The following CSNK1G1 variants were observed in gnomAD, a reference collection of about 807,000 sequenced individuals.
CSNK1G1 encodes the protein casein kinase 1 gamma 1.
In CSNK1G1, 22 loss-of-function variants were observed where a neutral mutation model predicts 59.6. The ratio of observed to expected loss-of-function variants is 0.37; its 90% CI spans 0.26 to 0.53. CSNK1G1 has a LOEUF of 0.53. Among genes scored for constraint, CSNK1G1 ranks in the 20% least tolerant of loss-of-function variants. The pLI is 0.89. For missense variants in CSNK1G1, 384 were observed against 519.5 expected, an observed-to-expected ratio of 0.74 and a Z score of 2.54; for synonymous variants, 179 against 177.1, an observed-to-expected ratio of 1.01 and a Z score of -0.08.
chr15:64,192,293 C>A (rs543437169), intron 10 of CSNK1G1, among the ~76,000 whole-genome samples: 2 of 152,280 alleles, frequency 1.3e-5, no homozygotes, highest in South Asian at 4.1e-4. Flanking sequence ...TGTGTAAGTC[C>A]CCCAAAGCAG....
At chr15:64,193,260 G>C (rs1343928970) in intron 10 of CSNK1G1, among the ~76,000 whole-genome samples, 3 of 152,046 alleles carry the variant, frequency 2.0e-5, no homozygotes, top group Non-Finnish European at 2.9e-5. Flanking sequence ...AGGAGGCCGA[G>C]GTGGGTGGAT....
At chr15:64,298,334 G>A (rs1895137032) in intron 2 of CSNK1G1, among the ~76,000 whole-genome samples, 1 of 152,140 alleles carries the variant, frequency 6.6e-6, no homozygotes, top group Non-Finnish European at 1.5e-5. Flanking sequence ...CTGCCTCTTA[G>A]CAATCATTTT....
At chr15:64,183,234 T>C (rs1030945522) in intron 10 of CSNK1G1, among the ~76,000 whole-genome samples, 1 of 152,202 alleles carries the variant, frequency 6.6e-6, no homozygotes, top group Non-Finnish European at 1.5e-5. Context: ...AATTGCCACT[T>C]GGGCCATAAG....
intron 10 of CSNK1G1, among the ~76,000 whole-genome samples, chr15:64,187,269 G>T (rs1031490934): frequency 1.3e-5 from 2 of 151,808 alleles, no homozygotes; most frequent in Non-Finnish European, 2.9e-5. Context: ...TCGGCTCACT[G>T]CAACTTCTGC....
At chr15:64,229,902 A>ATTTT (rs533868270) in intron 4 of CSNK1G1, among the ~76,000 whole-genome samples, 1,590 of 43,688 alleles carry the variant, frequency 0.036, 497 homozygotes, top group East Asian at 0.07. Context: ...ATGTTTGTAA[A>ATTTT]TTTTTTTTTT....
intron 1 of CSNK1G1, among the ~76,000 whole-genome samples, chr15:64,324,519 T>C (rs990883207): frequency 7.9e-5 from 12 of 152,266 alleles, no homozygotes; most frequent in Non-Finnish European, 1.5e-4. Context: ...TTTTGGTCTC[T>C]TGGACTTACA....
At chr15:64,307,965 C>G (rs1356317322) in intron 1 of CSNK1G1, among the ~76,000 whole-genome samples, 2 of 152,012 alleles carry the variant, frequency 1.3e-5, no homozygotes, top group African/African-American at 4.8e-5. Context: ...GGATTACAGG[C>G]GTGAACCACC....
At chr15:64,235,080 G>A (rs2082597653) in intron 4 of CSNK1G1, among the ~76,000 whole-genome samples, 2 of 152,180 alleles carry the variant, frequency 1.3e-5, no homozygotes, top group Admixed American at 6.5e-5. Flanking sequence ...CAAAAAAAGT[G>A]TCAGAGACAA....
intron 4 of CSNK1G1, among the ~76,000 whole-genome samples, chr15:64,236,155 AAAAAAAG>A (rs2082613393): frequency 1.3e-5 from 2 of 150,322 alleles, no homozygotes; most frequent in African/African-American, 2.4e-5. Context: ...AAAAAAAAAA[AAAAAAAG>A]AAAAGAAAAG....
chr15:64,319,336 A>C (rs1269345886), intron 1 of CSNK1G1, among the ~76,000 whole-genome samples: 1 of 152,146 alleles, frequency 6.6e-6, no homozygotes, highest in African/African-American at 2.4e-5. Context: ...TTTTCTTGTC[A>C]AATTACATGT....
In CSNK1G1 at chr15:64,216,520, G is replaced by C. The variant is rs768150160; in HGVS notation, c.444+42C>G. The C allele has an allele frequency of 1.1e-4, 181 of 1,597,678 alleles. No individual in the cohort carries two copies. The highest frequency in any genetic ancestry group is 2.8e-4 in the Admixed American group (17 of 59,754). On this transcript the variant is annotated intron_variant, in intron 5 of 11. Coordinates refer to ENST00000303052, the MANE Select transcript of CSNK1G1 (RefSeq NM_022048.5). The surrounding 1 kb of genome is among the most constrained non-coding windows in gnomAD (Gnocchi z 4.6). Reference sequence around the variant, plus strand: ...AAAAGGCCCACAAGGATGTGGCTGAGGAACCAGCTTATTCTCTTCTAGAAG... The same window carrying C: ...AAAAGGCCCACAAGGATGTGGCTGACGAACCAGCTTATTCTCTTCTAGAAG...
chr15:64,190,197 T>C (rs959102068), intron 10 of CSNK1G1, among the ~76,000 whole-genome samples: 3 of 152,170 alleles, frequency 2.0e-5, no homozygotes, highest in Non-Finnish European at 4.4e-5. Context: ...ATATTTTCTC[T>C]GCTCTTCCTC....
intron 10 of CSNK1G1, chr15:64,181,180 T>C (rs2081808455): frequency 5.3e-6 from 8 of 1,522,376 alleles, no homozygotes; most frequent in Non-Finnish European, 7.0e-6. Flanking sequence ...GGAAAGCCAG[T>C]CTTATTTCAA....
chr15:64,203,278 G>T, intron 9 of CSNK1G1, 89 bp from the exon 10 acceptor site: 1 of 836,830 alleles, frequency 1.2e-6, no homozygotes, highest in Non-Finnish European at 2.0e-6. Context: ...TTCTAATAGA[G>T]TAGTAGTAAT....
intron 2 of CSNK1G1, among the ~76,000 whole-genome samples, chr15:64,291,023 A>T (rs1232844188): frequency 6.6e-6 from 1 of 152,128 alleles, no homozygotes; most frequent in East Asian, 1.9e-4. Context: ...CAAGACTCCT[A>T]TTTTTAATCA....
intron 10 of CSNK1G1, chr15:64,189,609 A>G (rs897867757): frequency 2.7e-6 from 1 of 375,162 alleles, no homozygotes. Context: ...TGAAAACCAG[A>G]AAGGACTATA....
At chr15:64,279,971 C>CA (rs1226598947) in intron 2 of CSNK1G1, among the ~76,000 whole-genome samples, 3,193 of 91,546 alleles carry the variant, frequency 0.035, 79 homozygotes, top group African/African-American at 0.1. Context: ...GACTCCATCT[C>CA]AAAAAAAAAA....
At chr15:64,345,543 CAT>C (rs1596303321) in intron 1 of CSNK1G1, among the ~76,000 whole-genome samples, 1 of 152,220 alleles carries the variant, frequency 6.6e-6, no homozygotes, top group Admixed American at 6.5e-5. Flanking sequence ...TGAAACATCA[CAT>C]GACTGTGCCA....
At chr15:64,237,225 A>G (rs1015681785) in intron 4 of CSNK1G1, among the ~76,000 whole-genome samples, 1 of 152,180 alleles carries the variant, frequency 6.6e-6, no homozygotes, top group Non-Finnish European at 1.5e-5. Context: ...CTTGACCACT[A>G]TGCAATCTAT....
Sources: gnomAD v4.1 joint callset for allele counts (sites outside exome capture counted in the v4.1 genomes callset) on GRCh38, gnomAD v4.1.1 for gene constraint, Gnocchi (gnomAD v3.1) non-coding constraint, MANE v1.5 for transcripts, NCBI Gene and HGNC (gene_info 2026-07-23, HGNC 2026-07-21) for gene names.